Variants in PAN3 observed in about 807,000 individuals in gnomAD.
PAN3 encodes the protein PAN2-PAN3 deadenylation complex subunit PAN3.
In PAN3, 19 loss-of-function variants were observed where a neutral mutation model predicts 96.2. The ratio of observed to expected loss-of-function variants is 0.20; its 90% CI spans 0.14 to 0.29. PAN3 has a LOEUF of 0.29. Among genes scored for constraint, PAN3 ranks in the 10% least tolerant of loss-of-function variants. The probability of loss-of-function intolerance (pLI) is 1.00; values close to 1 mark genes in which losing one functional copy is unlikely to be tolerated. For missense variants in PAN3, 882 were observed against 1,108.1 expected, an observed-to-expected ratio of 0.80 and a Z score of 2.90; for synonymous variants, 433 against 406.6, an observed-to-expected ratio of 1.06 and a Z score of -0.78.
At chr13:28,229,663 T>G (rs562866750) in intron 6 of PAN3, among the ~76,000 whole-genome samples, 95 of 152,358 alleles carry the variant, frequency 6.2e-4, no homozygotes, top group African/African-American at 2.2e-3. Flanking sequence ...AGTAGTGCCT[T>G]GAATGGCCAT....
chr13:28,214,391 A>G (rs1470821120), intron 5 of PAN3: 2 of 161,746 alleles, frequency 1.2e-5, no homozygotes, highest in African/African-American at 2.5e-5. Context: ...AGCAATACAA[A>G]TGAAGTATTG....
chr13:28,172,816 A>G lies in PAN3; in HGVS notation c.431-1456A>G, dbSNP rs563426744. Reference sequence around the variant, plus strand: ...GTGGCCCTGTAATCCCAACACTTATAGAGGCTGAGATGAGAGGATCACTTG... The same window carrying G: ...GTGGCCCTGTAATCCCAACACTTATGGAGGCTGAGATGAGAGGATCACTTG... On this transcript the variant is annotated intron_variant, in intron 1 of 18. Transcript: ENST00000380958. Among the ~76,000 whole-genome samples, 4 of 152,294 alleles carry G rather than the reference A, an allele frequency of 2.6e-5. No homozygotes were observed. In the South Asian group the frequency reaches 8.3e-4, roughly 32 times the overall value.
intron 1 of PAN3, among the ~76,000 whole-genome samples, chr13:28,163,348 G>A (rs1000746890): frequency 3.3e-5 from 5 of 152,122 alleles, no homozygotes; most frequent in African/African-American, 1.2e-4. Flanking sequence ...GATATAAATA[G>A]TATCTTAAGA....
Position 28,138,651 on chromosome 13 carries a change from C to T in PAN3, c.-7C>T, listed in dbSNP as rs1869119791. The T allele has an allele frequency of 5.1e-6, 3 of 590,120 alleles. No homozygotes were observed. The highest frequency in any genetic ancestry group is 7.9e-6 in the Non-Finnish European group (3 of 379,474). 36.6% of individuals were successfully genotyped at this position (590,120 alleles called of 1,614,324 possible). On this transcript the variant is annotated 5_prime_UTR_variant, in exon 1 of 19. Transcript: ENST00000380958. ...GCGGCGGCGGAAGACGAGGCTGCGG[C>T]GTTGCCATGAACAGTGGCGGCGGCC...
intron 1 of PAN3, among the ~76,000 whole-genome samples, chr13:28,148,886 T>G (rs965717794): frequency 1.3e-5 from 2 of 152,210 alleles, no homozygotes; most frequent in African/African-American, 4.8e-5. Context: ...TATTATTAGA[T>G]TCTTTATAAT....
rs943506295 is a variant in PAN3 at position 28,202,384 on chromosome 13, G to A, written c.852+5038G>A. Among the ~76,000 whole-genome samples, 14 of 151,948 alleles carry A rather than the reference G, an allele frequency of 9.2e-5. No individual in the cohort carries two copies. In the South Asian group the frequency reaches 1.5e-3, roughly 16 times the overall value. On this transcript the variant is annotated intron_variant, in intron 5 of 18. Coordinates refer to ENST00000380958, the MANE Select transcript of PAN3 (RefSeq NM_175854.8). The stretch of plus-strand genomic sequence containing the variant: ...AATAGTGAGATTGTTTATTCCTTAC[G>A]CATATACAGCTTCTGAATAATTTTT...
chr13:28,261,508 T>G (rs1308794756), intron 9 of PAN3, 50 bp downstream of exon 9: 5 of 1,496,210 alleles, frequency 3.3e-6, no homozygotes, highest in Non-Finnish European at 4.6e-6. Flanking sequence ...TTATAATTCT[T>G]ACGTGGTAGT....
At position 28,293,414 on chromosome 13, in the gene PAN3, T is replaced by TG. The variant is rs1368129566; in HGVS notation, c.*892_*893insG. ...TTTTTTTTTTTTTTTTTTTTTTTTT[T>TG]TTGGGCGGGGGGGAGGTTTATGAAG... On this transcript the variant is annotated 3_prime_UTR_variant, in exon 19 of 19. Coordinates refer to ENST00000380958, the MANE Select transcript of PAN3 (RefSeq NM_175854.8). The TG allele has an allele frequency of 1.5e-5, 1 of 66,898 alleles. No homozygotes were observed. Among genetic ancestry groups the TG allele is most frequent in the Non-Finnish European group, 3.5e-5 (1 of 28,490 alleles). The allele number at this position is 66,898 out of a possible 1,614,324, so 4.1% of individuals were successfully genotyped here. A position where few individuals can be genotyped will look rare whatever the true frequency, so the allele number is the denominator to read the frequency against.
chr13:28,247,922 T>C (rs1433394340), intron 6 of PAN3, among the ~76,000 whole-genome samples: 1 of 152,210 alleles, frequency 6.6e-6, no homozygotes, highest in East Asian at 1.9e-4. Flanking sequence ...TAGTTTCATA[T>C]GAATTTTGTA....
At chr13:28,153,453 G>A (rs1871675431) in intron 1 of PAN3, among the ~76,000 whole-genome samples, 1 of 151,808 alleles carries the variant, frequency 6.6e-6, no homozygotes, top group Non-Finnish European at 1.5e-5. Flanking sequence ...TGGCCAGGAT[G>A]GTCTCAATCT....
chr13:28,195,323 A>G (rs1877905587), intron 4 of PAN3, among the ~76,000 whole-genome samples: 1 of 151,900 alleles, frequency 6.6e-6, no homozygotes, highest in South Asian at 2.1e-4. Flanking sequence ...GGGTCGTTTG[A>G]GCCCCTGAAG....
At chr13:28,266,965 A>G (rs1886236712) in intron 10 of PAN3, 89 bp downstream of exon 10, 1 of 1,289,944 alleles carries the variant, frequency 7.8e-7, no homozygotes, top group East Asian at 2.6e-5. Context: ...TAATATATGA[A>G]TTAAAAATTT....
rs77620405 is a variant in PAN3, at chr13:28,241,967, C to A, written c.1001-14325C>A. Among the ~76,000 whole-genome samples the A allele has an allele frequency of 2.0e-5, 3 of 151,468 alleles. No homozygotes were observed. The South Asian group carries it at 6.2e-4, about 31-fold the overall frequency. ...TTATCTTCAATGTAGTTAGACATGACAATTTATTATTGAGGATTTAGTTTG... is the reference window on the plus strand; with the variant it reads ...TTATCTTCAATGTAGTTAGACATGAAAATTTATTATTGAGGATTTAGTTTG... On this transcript the variant is annotated intron_variant, in intron 6 of 18. Coordinates refer to ENST00000380958, the MANE Select transcript of PAN3 (RefSeq NM_175854.8).
At chr13:28,214,185 C>T (rs1374446634) in intron 5 of PAN3, among the ~76,000 whole-genome samples, 1 of 152,164 alleles carries the variant, frequency 6.6e-6, no homozygotes, top group Non-Finnish European at 1.5e-5. Flanking sequence ...CCAAATCATT[C>T]ACTGCTACGT....
chr13:28,291,812 C>T (rs796877151), intron 18 of PAN3, among the ~76,000 whole-genome samples: 70 of 152,110 alleles, frequency 4.6e-4, no homozygotes, highest in African/African-American at 1.6e-3. Context: ...CCCTGGGCAA[C>T]GAGCGAAACT....
intron 18 of PAN3, among the ~76,000 whole-genome samples, chr13:28,291,966 A>G (rs1869810861): frequency 6.6e-6 from 1 of 152,144 alleles, no homozygotes; most frequent in Non-Finnish European, 1.5e-5. Flanking sequence ...TTAAAAACCA[A>G]TTTCTTAATA....
At chr13:28,188,094 C>CT (rs1876725237) in intron 4 of PAN3, among the ~76,000 whole-genome samples, 1 of 152,202 alleles carries the variant, frequency 6.6e-6, no homozygotes, top group Non-Finnish European at 1.5e-5. Context: ...TGAAATATCT[C>CT]TTTTCAGACA....
intron 4 of PAN3, among the ~76,000 whole-genome samples, chr13:28,189,118 A>C (rs1052882847): frequency 2.0e-5 from 3 of 152,160 alleles, no homozygotes; most frequent in Admixed American, 1.3e-4. Context: ...TTGTAATGAG[A>C]GTGGACTTCC....
intron 9 of PAN3, among the ~76,000 whole-genome samples, chr13:28,264,069 T>A (rs867939281): frequency 6.6e-6 from 1 of 152,218 alleles, no homozygotes; most frequent in Non-Finnish European, 1.5e-5. Flanking sequence ...AACATATTCA[T>A]CTACTTAATT....
Sources: gnomAD v4.1 joint callset for allele counts (sites outside exome capture counted in the v4.1 genomes callset) on GRCh38, gnomAD v4.1.1 for gene constraint, MANE v1.5 for transcripts, NCBI Gene and HGNC (gene_info 2026-07-23, HGNC 2026-07-21) for gene names.